TRMT1L: variants seen among roughly 807,000 people sequenced by gnomAD.
The protein encoded by TRMT1L is tRNA methyltransferase 1L, also known as tRNA (guanine(27)-N(2))-dimethyltransferase.
Under a neutral mutation model 81.6 loss-of-function variants are expected in TRMT1L, and 28 were observed. The ratio of observed to expected loss-of-function variants is 0.34; its 90% CI spans 0.25 to 0.47. The LOEUF (loss-of-function observed/expected upper bound fraction) is 0.47. TRMT1L is among the 20% of genes least tolerant of loss of function. The pLI is 1.00. For missense variants in TRMT1L, 739 were observed against 877.1 expected (o/e 0.84, Z 1.99); for synonymous variants, 301 against 303.2 (o/e 0.99, Z 0.07).
chr1:185,133,155 AC>A (rs1465501677), intron 10 of TRMT1L, among the ~76,000 whole-genome samples: 1 of 152,270 alleles, frequency 6.6e-6, no homozygotes, highest in African/African-American at 2.4e-5. Flanking sequence ...GGTAACAAGC[AC>A]AGTAAGTATT....
rs1357156944 is a variant in TRMT1L at position 185,120,588 on chromosome 1, A to G, written c.1823-79T>C. 2.4e-6 allele frequency: 3 copies of G among 1,258,812 alleles called. No individual in the cohort carries two copies. In the African/African-American group the frequency reaches 4.7e-5, roughly 20 times the overall value. 78.0% of individuals were successfully genotyped at this position (1,258,812 alleles called of 1,614,324 possible). ...CTTTTATAACTATATATTTATCTCA[A>G]GTATAAATCCTGACACATTATTTCA... On this transcript the variant is annotated intron_variant, in intron 13 of 14. Transcript: ENST00000367506.
rs1309658863 is a variant in TRMT1L at position 185,119,280 on chromosome 1, T to C, written c.*739A>G. ...TGAGGCACTTAAGATCACCCAACCT[T>C]TTTAATTTATAACCAAATCTCTCCT... On this transcript the variant is annotated 3_prime_UTR_variant, in exon 15 of 15. Coordinates refer to ENST00000367506, the MANE Select transcript of TRMT1L (RefSeq NM_030934.5). The C allele has an allele frequency of 6.6e-6, 1 of 152,120 alleles. No homozygotes were observed. The highest frequency in any genetic ancestry group is 6.6e-5 in the Admixed American group (1 of 15,248). The allele number at this position is 152,120 out of a possible 1,614,324, so 9.4% of individuals were successfully genotyped here. A position where few individuals can be genotyped will look rare whatever the true frequency, so the allele number is the denominator to read the frequency against.
chr1:185,156,813 T>A lies in TRMT1L; in HGVS notation c.-101A>T, dbSNP rs1308410885. On this transcript the variant is annotated 5_prime_UTR_variant, in exon 1 of 15. Coordinates refer to ENST00000367506, the MANE Select transcript of TRMT1L (RefSeq NM_030934.5). ...TGCCCACAGGGCTGGATCCAAGGAG[T>A]GGGGAAGCAAGTGGGGAGGGCGGGA... The A allele has an allele frequency of 6.7e-7, 1 of 1,496,704 alleles. No homozygotes were observed. Among genetic ancestry groups the A allele is most frequent in the Non-Finnish European group, 9.0e-7 (1 of 1,116,862 alleles). 92.7% of individuals were successfully genotyped at this position (1,496,704 alleles called of 1,614,324 possible).
intron 10 of TRMT1L, among the ~76,000 whole-genome samples, chr1:185,136,003 G>A (rs948805556): frequency 6.6e-6 from 1 of 152,138 alleles, no homozygotes; most frequent in African/African-American, 2.4e-5. Flanking sequence ...TGCTGAAAAT[G>A]CATTATGACA....
intron 4 of TRMT1L, among the ~76,000 whole-genome samples, chr1:185,146,941 A>G (rs1408738776): frequency 6.6e-6 from 1 of 152,074 alleles, no homozygotes; most frequent in Non-Finnish European, 1.5e-5. Context: ...TTTCATTTTG[A>G]ACACAAAGGA....
chr1:185,147,128 G>T, intron 4 of TRMT1L, 54 bp downstream of exon 4: 1 of 1,284,444 alleles, frequency 7.8e-7, no homozygotes, highest in Non-Finnish European at 1.1e-6. Flanking sequence ...TAAAAATTAT[G>T]CTTTCTTTAA....
chr1:185,146,478 T>C (rs1367241930), intron 4 of TRMT1L, among the ~76,000 whole-genome samples: 1 of 152,060 alleles, frequency 6.6e-6, no homozygotes, highest in Non-Finnish European at 1.5e-5. Context: ...CCAAGGTTCC[T>C]TGTGGTACTG....
At chr1:185,145,652 T>C (rs1571355021) in intron 4 of TRMT1L, 84 bp from the exon 5 acceptor site, 1 of 1,366,436 alleles carries the variant, frequency 7.3e-7, no homozygotes, top group South Asian at 1.3e-5. Context: ...TACATTAGTG[T>C]CTTGGATTTA....
chr1:185,125,275 TTTA>T (rs1050214922), intron 11 of TRMT1L, among the ~76,000 whole-genome samples, 165 bp from the exon 12 acceptor site: 11 of 152,180 alleles, frequency 7.2e-5, no homozygotes, highest in Admixed American at 2.6e-4. Context: ...GTTTATTTTC[TTTA>T]TTATTATTAT....
intron 10 of TRMT1L, among the ~76,000 whole-genome samples, chr1:185,129,334 C>T (rs1652713158): frequency 6.6e-6 from 1 of 152,048 alleles, no homozygotes; most frequent in African/African-American, 2.4e-5. Flanking sequence ...AAGAAAATTC[C>T]TTATGCTTGA....
At chr1:185,132,855 TGAA>T (rs1218366951) in intron 10 of TRMT1L, among the ~76,000 whole-genome samples, 4 of 152,094 alleles carry the variant, frequency 2.6e-5, no homozygotes, top group Non-Finnish European at 5.9e-5. Flanking sequence ...CCACTCAAAA[TGAA>T]GAAGTAAACA....
intron 3 of TRMT1L, among the ~76,000 whole-genome samples, chr1:185,148,519 A>AT: frequency 6.6e-6 from 1 of 152,304 alleles, no homozygotes; most frequent in Admixed American, 6.5e-5. Flanking sequence ...AAAAACTATC[A>AT]TATCTTCACC....
chr1:185,155,734 C>T (rs574777398), intron 1 of TRMT1L, among the ~76,000 whole-genome samples: 1 of 152,270 alleles, frequency 6.6e-6, no homozygotes, highest in African/African-American at 2.4e-5. Flanking sequence ...AAGTGTTACT[C>T]ATCAGTCTTT....
chr1:185,128,944 G>GCA (rs1167189563), intron 10 of TRMT1L, among the ~76,000 whole-genome samples, 197 bp from the exon 11 acceptor site: 1 of 151,744 alleles, frequency 6.6e-6, no homozygotes. Context: ...ACATATATGT[G>GCA]CACACACACA....
rs763084043 is a variant in TRMT1L at position 185,156,603 on chromosome 1, G to A, written c.110C>T (p.Pro37Leu). The change falls in exon 1 of 15, where the codon CCG (proline) becomes CTG (leucine). Residue 37 changes from proline to leucine, a missense_variant. Coordinates refer to ENST00000367506, the MANE Select transcript of TRMT1L (RefSeq NM_030934.5). ...PARDSAGVPA[P>L]APDSALDSAP... ...CGAGTCCAGAGCCGAATCCGGGGCC[G>A]GAGCTGGGACCCCAGCCGAGTCCCG... The A allele has an allele frequency of 9.4e-6, 15 of 1,597,782 alleles. No homozygotes were observed. The highest frequency in any genetic ancestry group is 4.0e-5 in the African/African-American group (3 of 74,234).
intron 10 of TRMT1L, 135 bp from the exon 11 acceptor site, chr1:185,128,882 TTATG>T (rs1652699452): frequency 1.4e-6 from 1 of 729,386 alleles, no homozygotes; most frequent in African/African-American, 1.8e-5. Flanking sequence ...GCTAAGTATT[TTATG>T]TATGTATATA....
intron 10 of TRMT1L, among the ~76,000 whole-genome samples, chr1:185,133,949 T>A (rs12031837): frequency 0.1 from 15,188 of 152,204 alleles, 979 homozygotes; most frequent in East Asian, 0.25. Context: ...ATAAAAATAC[T>A]AACACTAAAT....
intron 10 of TRMT1L, among the ~76,000 whole-genome samples, chr1:185,134,989 A>C (rs957989313): frequency 5.2e-4 from 79 of 152,382 alleles, no homozygotes; most frequent in African/African-American, 1.8e-3. Context: ...AACAAAAATT[A>C]GGAAGGGAAA....
chr1:185,139,861 G>A (rs1652991136), intron 8 of TRMT1L, 112 bp downstream of exon 8: 1 of 1,236,112 alleles, frequency 8.1e-7, no homozygotes, highest in African/African-American at 1.5e-5. Flanking sequence ...TCAAAAAATG[G>A]CATTAATTTA....
Sources: allele counts gnomAD v4.1 joint callset (sites outside exome capture counted in the v4.1 genomes callset), GRCh38; gene constraint gnomAD v4.1.1; transcripts MANE v1.5; gene names NCBI Gene and HGNC (gene_info 2026-07-23, HGNC 2026-07-21).